Variants in SORL1 observed in about 807,000 individuals in gnomAD.
SORL1 encodes sortilin-related receptor.
SORL1 carries 127 observed loss-of-function variants against 273.7 expected under a neutral mutation model. The observed-to-expected ratio is 0.46, with a 90% CI of 0.40 to 0.54. The LOEUF (loss-of-function observed/expected upper bound fraction) is 0.54, where lower values mean the gene tolerates loss of function less well. Ranked by LOEUF, SORL1 falls within the 20% of genes least tolerant of loss-of-function variation. The probability of loss-of-function intolerance (pLI) is 0.00; values close to 1 mark genes in which losing one functional copy is unlikely to be tolerated. For synonymous variants in SORL1, 1,031 were observed against 1,067.4 expected (o/e 0.97, Z 0.66); for missense variants, 2,494 against 2,846.1 (o/e 0.88, Z 2.81).
intron 2 of SORL1, 78 bp downstream of exon 2, chr11:121,470,201 G>T: frequency 1.1e-6 from 1 of 901,118 alleles, no homozygotes; most frequent in Non-Finnish European, 1.9e-6. Context: ...TTATCATACT[G>T]GAAAAAGTAG....
chr11:121,591,330 C>G (rs1339347158), intron 31 of SORL1, among the ~76,000 whole-genome samples, 174 bp downstream of exon 31: 4 of 152,208 alleles, frequency 2.6e-5, no homozygotes, highest in South Asian at 2.1e-4. Context: ...TGATTTCTAG[C>G]ATTTTTTCCT....
At chr11:121,504,916 G>A (rs184939010) in intron 6 of SORL1, among the ~76,000 whole-genome samples, 50 of 152,164 alleles carry the variant, frequency 3.3e-4, no homozygotes, top group Non-Finnish European at 5.3e-4. Flanking sequence ...CTGGGATTTT[G>A]TCAGTGCTTT....
intron 1 of SORL1, among the ~76,000 whole-genome samples, chr11:121,463,422 A>T (rs1039507273): frequency 6.6e-6 from 1 of 152,212 alleles, no homozygotes; most frequent in Non-Finnish European, 1.5e-5. Flanking sequence ...ACAGAGGTAA[A>T]CAGTAGATAG....
chr11:121,536,890 C>T (rs1309879953), intron 12 of SORL1, among the ~76,000 whole-genome samples: 1 of 152,064 alleles, frequency 6.6e-6, no homozygotes, highest in Non-Finnish European at 1.5e-5. Context: ...AAAACACTCG[C>T]AAAATCAAGT....
At chr11:121,571,253 G>C (rs900923987) in intron 23 of SORL1, among the ~76,000 whole-genome samples, 3 of 152,264 alleles carry the variant, frequency 2.0e-5, no homozygotes, top group Admixed American at 2.0e-4. Flanking sequence ...CAGAGGTGGA[G>C]GGAATCAATT....
chr11:121,562,785 G>A (rs751058729), intron 21 of SORL1, among the ~76,000 whole-genome samples: 30 of 152,236 alleles, frequency 2.0e-4, no homozygotes, highest in African/African-American at 4.8e-4. Context: ...ATCTTACACC[G>A]AGTTTGCTAA....
rs978479847 is a variant in SORL1 at position 121,604,315 on chromosome 11, G to A, written c.4642G>A (p.Ala1548Thr). The change falls in exon 33 of 48, where the codon GCC becomes ACC. Residue 1548 changes from alanine to threonine, a missense_variant. Ala to Thr is a moderately conservative substitution (Grantham distance 58, BLOSUM62 0). Coordinates refer to ENST00000260197, the MANE Select transcript of SORL1 (RefSeq NM_003105.6). ...LDCSDESDEK[A>T]CSDELTVYKV... is the part of the protein sequence containing the mutation. ...CTGCTCGGACGAGAGCGATGAAAAG[G>A]CCTGCAGTGGTGAGTGCCGGTCCAC... The A allele has an allele frequency of 5.0e-6, 8 of 1,613,720 alleles. No homozygotes were observed. Among genetic ancestry groups the A allele is most frequent in the Middle Eastern group, 1.6e-4 (1 of 6,062 alleles).
chr11:121,609,990 C>G (rs1169456225), intron 38 of SORL1: 1 of 152,228 alleles, frequency 6.6e-6, no homozygotes, highest in East Asian at 1.9e-4. Flanking sequence ...CTGTTTTGCT[C>G]TGTGTTGGCC....
intron 6 of SORL1, among the ~76,000 whole-genome samples, chr11:121,497,259 A>G (rs1861646699): frequency 6.6e-6 from 1 of 152,212 alleles, no homozygotes; most frequent in Non-Finnish European, 1.5e-5. Flanking sequence ...GGAGAGGCCT[A>G]GGACAAACAC....
At chr11:121,589,217 A>T in intron 28 of SORL1, 42 bp from the exon 29 acceptor site, 1 of 1,609,426 alleles carries the variant, frequency 6.2e-7, no homozygotes, top group Non-Finnish European at 8.5e-7. Flanking sequence ...ACCCCTCAGC[A>T]TGGAAGTTCC....
intron 40 of SORL1, among the ~76,000 whole-genome samples, chr11:121,613,644 T>C (rs1214931197): frequency 3.3e-5 from 5 of 152,242 alleles, no homozygotes; most frequent in African/African-American, 1.2e-4. Context: ...ACAGGCATTC[T>C]ACGCATATTA....
intron 40 of SORL1, chr11:121,614,634 A>T (rs972702778): frequency 4.8e-6 from 2 of 415,706 alleles, no homozygotes; most frequent in African/African-American, 4.2e-5. Context: ...ACCAACTCCT[A>T]TCCGCGGATG....
intron 14 of SORL1, 85 bp downstream of exon 14, chr11:121,545,514 T>C: frequency 7.8e-7 from 1 of 1,277,386 alleles, no homozygotes; most frequent in Non-Finnish European, 1.1e-6. Context: ...ATGGTCCCTT[T>C]CCCTGAGCAA....
chr11:121,591,048 C>T lies in SORL1; in HGVS notation c.4261C>T (p.Pro1421Ser). The T allele has an allele frequency of 3.7e-6, 6 of 1,614,254 alleles. No individual in the cohort carries two copies. The highest frequency in any genetic ancestry group is 5.1e-6 in the Non-Finnish European group (6 of 1,180,038). Residue 1421 changes from proline to serine, a missense_variant, in exon 31 of 48, where the codon CCC becomes TCC. By Grantham distance (74) the Pro-to-Ser change is moderately conservative (BLOSUM62 -1). Transcript: ENST00000260197. ...FSTPGPSTCL[P>S]NYYRCSSGTC... Reference sequence around the variant, plus strand: ...GACTCCTGGGCCCTCCACGTGTCTGCCCAATTACTACCGCTGCAGCAGTGG... The same window carrying T: ...GACTCCTGGGCCCTCCACGTGTCTGTCCAATTACTACCGCTGCAGCAGTGG...
At chr11:121,532,698 T>TA (rs1426562407) in intron 12 of SORL1, 146 bp downstream of exon 12, 1 of 669,684 alleles carries the variant, frequency 1.5e-6, no homozygotes, top group East Asian at 2.8e-5. Flanking sequence ...TTTTTTTTTT[T>TA]TTTTTGAGAT....
chr11:121,490,855 A>G (rs1315355706), intron 5 of SORL1, among the ~76,000 whole-genome samples: 1 of 152,162 alleles, frequency 6.6e-6, no homozygotes, highest in Non-Finnish European at 1.5e-5. Flanking sequence ...ATTTATGGAT[A>G]TAGTTATTAA....
At chr11:121,519,574 A>G (rs1359002911) in intron 8 of SORL1, among the ~76,000 whole-genome samples, 1 of 152,164 alleles carries the variant, frequency 6.6e-6, no homozygotes, top group Non-Finnish European at 1.5e-5. Context: ...TGCTATATGT[A>G]CAGTTTCTTT....
rs543253747 is a variant in SORL1 at position 121,633,351 on chromosome 11, G to T, written c.*3788G>T. 6.6e-6 allele frequency: 1 copy of T among 152,198 alleles called. No individual in the cohort carries two copies. The highest frequency in any genetic ancestry group is 6.5e-5 in the Admixed American group (1 of 15,282). The allele number at this position is 152,198 out of a possible 1,614,324, so 9.4% of individuals were successfully genotyped here. On this transcript the variant is annotated 3_prime_UTR_variant, in exon 48 of 48. Transcript: ENST00000260197. The stretch of plus-strand genomic sequence containing the variant: ...GTAATAGCTCAAATGGAATAAGCAT[G>T]AATGCTGGAGTGGACCATTATCCTC...
At chr11:121,523,700 G>A (rs1862076461) in intron 11 of SORL1, among the ~76,000 whole-genome samples, 1 of 152,036 alleles carries the variant, frequency 6.6e-6, no homozygotes, top group South Asian at 2.1e-4. Context: ...TTGCTTTCAG[G>A]GGTGACCCTC....
Sources: allele counts gnomAD v4.1 joint callset (sites outside exome capture counted in the v4.1 genomes callset), GRCh38; gene constraint gnomAD v4.1.1; transcripts MANE v1.5; gene names NCBI Gene and HGNC (gene_info 2026-07-23, HGNC 2026-07-21).